The following MEMO1 variants were observed in gnomAD, a reference collection of about 807,000 sequenced individuals.
MEMO1 encodes protein MEMO1.
MEMO1 carries 6 observed loss-of-function variants against 45.2 expected under a neutral mutation model. That is an observed-to-expected ratio of 0.13 (90% CI 0.07 to 0.26). The LOEUF (loss-of-function observed/expected upper bound fraction) is 0.26, where lower values mean the gene tolerates loss of function less well. Ranked by LOEUF, MEMO1 falls within the 10% of genes least tolerant of loss-of-function variation. The probability of loss-of-function intolerance (pLI) is 1.00; values close to 1 mark genes in which losing one functional copy is unlikely to be tolerated. For synonymous variants in MEMO1, 78 were observed against 124.3 expected, an observed-to-expected ratio of 0.63 and a Z score of 2.48; for missense variants, 184 against 370.5, an observed-to-expected ratio of 0.50 and a Z score of 4.13.
intron 2 of MEMO1, among the ~76,000 whole-genome samples, chr2:31,996,229 A>G (rs1356401540): frequency 1.3e-5 from 2 of 151,498 alleles, no homozygotes; most frequent in East Asian, 3.9e-4. Flanking sequence ...AAAGAGAGAG[A>G]GAGAGAAAGA....
At chr2:31,871,684 G>C (rs184283225) in intron 8 of MEMO1, among the ~76,000 whole-genome samples, 33 of 152,106 alleles carry the variant, frequency 2.2e-4, no homozygotes, top group African/African-American at 7.7e-4. Context: ...ACCGACACTT[G>C]GTATATAAGC....
At chr2:31,869,754 C>A in intron 9 of MEMO1, 94 bp downstream of exon 9, 1 of 1,352,676 alleles carries the variant, frequency 7.4e-7, no homozygotes, top group Non-Finnish European at 9.9e-7. Context: ...ACCATAGGTA[C>A]ATAAAACCAA....
chr2:31,938,873 A>G (rs559370163), intron 3 of MEMO1, among the ~76,000 whole-genome samples: 1 of 150,448 alleles, frequency 6.6e-6, no homozygotes, highest in African/African-American at 2.4e-5. Flanking sequence ...TGCAGCCCCA[A>G]CCTCCCGGGC....
At chr2:31,946,123 T>C (rs1558524096) in intron 2 of MEMO1, among the ~76,000 whole-genome samples, 1 of 152,222 alleles carries the variant, frequency 6.6e-6, no homozygotes, top group Admixed American at 6.5e-5. Context: ...TGGTTTTAAT[T>C]GCATTTCATC....
At chr2:31,999,861 G>A (rs1490682781) in intron 2 of MEMO1, among the ~76,000 whole-genome samples, 1 of 148,250 alleles carries the variant, frequency 6.7e-6, no homozygotes, top group African/African-American at 2.5e-5. Context: ...TACAAGGCTT[G>A]TTCTTTCACC....
Position 31,868,065 on chromosome 2 carries a change from C to T in MEMO1, c.*296G>A, listed in dbSNP as rs1453755413. The stretch of plus-strand genomic sequence containing the variant: ...GTGCAAATTTAGGATATGGTAAATG[C>T]TTTACAAGTTACTTTCAAAAAACTG... On this transcript the variant is annotated 3_prime_UTR_variant, in exon 10 of 10. Transcript: ENST00000404530. 1.4e-5 allele frequency: 3 copies of T among 214,814 alleles called. No homozygotes were observed. Among genetic ancestry groups the T allele is most frequent in the Non-Finnish European group, 2.7e-5 (3 of 110,264 alleles). The allele number at this position is 214,814 out of a possible 1,614,324, so 13.3% of individuals were successfully genotyped here. A position where few individuals can be genotyped will look rare whatever the true frequency, so the allele number is the denominator to read the frequency against.
intron 5 of MEMO1, among the ~76,000 whole-genome samples, chr2:31,919,470 T>C (rs141145618): frequency 1.3e-5 from 2 of 152,124 alleles, no homozygotes; most frequent in Non-Finnish European, 2.9e-5. Flanking sequence ...TTTTATTCTA[T>C]ACAAGAAATT....
intron 4 of MEMO1, among the ~76,000 whole-genome samples, chr2:31,931,817 A>C (rs1295691793): frequency 2.0e-5 from 3 of 152,172 alleles, no homozygotes; most frequent in Non-Finnish European, 4.4e-5. Context: ...CAAAAAACAA[A>C]ATATTTAACC....
chr2:31,961,032 TA>T lies in MEMO1; in HGVS notation c.62-17650del, dbSNP rs373870603. Among the ~76,000 whole-genome samples, 768 of 152,354 alleles carry T rather than the reference TA, an allele frequency of 5.0e-3. 4 individuals carry two copies. The highest frequency in any genetic ancestry group is 0.017 in the African/African-American group (706 of 41,572). On this transcript the variant is annotated intron_variant, in intron 2 of 9. Coordinates refer to ENST00000404530, the MANE Select transcript of MEMO1 (RefSeq NM_001301833.4). Reference sequence around the variant, plus strand: ...GTAAGCAAAGCATATTATTTTCAGCTAATTTAGATATACTTGATGTTAAATT... The same window carrying T: ...GTAAGCAAAGCATATTATTTTCAGCTATTTAGATATACTTGATGTTAAATT...
At chr2:31,923,851 G>C (rs753267349) in intron 4 of MEMO1, 8 of 1,226,314 alleles carry the variant, frequency 6.5e-6, no homozygotes, top group Non-Finnish European at 7.6e-6. Context: ...AAGATACACT[G>C]CTCCAGAAAT....
chr2:31,917,315 A>T (rs186717894), intron 6 of MEMO1, among the ~76,000 whole-genome samples: 7 of 152,290 alleles, frequency 4.6e-5, no homozygotes, highest in Non-Finnish European at 8.8e-5. Context: ...CCTTGAAATA[A>T]TTTTTTTATT....
At chr2:31,886,512 A>T (rs1293803069) in intron 7 of MEMO1, among the ~76,000 whole-genome samples, 1 of 152,292 alleles carries the variant, frequency 6.6e-6, no homozygotes, top group East Asian at 1.9e-4. Flanking sequence ...GTGTCTCAAA[A>T]TTTTATTTAA....
At chr2:31,908,858 C>T (rs1457487129) in intron 6 of MEMO1, among the ~76,000 whole-genome samples, 1 of 152,224 alleles carries the variant, frequency 6.6e-6, no homozygotes, top group East Asian at 1.9e-4. Flanking sequence ...ATCCAGCCCC[C>T]TCCAGCCTTC....
intron 6 of MEMO1, among the ~76,000 whole-genome samples, chr2:31,902,305 C>T (rs972853371): frequency 4.0e-5 from 6 of 151,306 alleles, no homozygotes; most frequent in Admixed American, 6.6e-5. Context: ...GGCTGAGGCA[C>T]GAGAATCATT....
intron 4 of MEMO1, among the ~76,000 whole-genome samples, chr2:31,927,507 C>T (rs887341571): frequency 5.9e-5 from 9 of 151,886 alleles, no homozygotes; most frequent in African/African-American, 2.2e-4. Context: ...TCTTCATATA[C>T]GTCAACTAAA....
chr2:31,981,491 T>C (rs996639399), intron 2 of MEMO1, among the ~76,000 whole-genome samples: 2 of 152,262 alleles, frequency 1.3e-5, no homozygotes, highest in African/African-American at 4.8e-5. Flanking sequence ...CAAACAAATG[T>C]TCTTCCTTGC....
chr2:31,922,979 G>C (rs1682542484), intron 4 of MEMO1, among the ~76,000 whole-genome samples: 1 of 151,930 alleles, frequency 6.6e-6, no homozygotes, highest in Non-Finnish European at 1.5e-5. Flanking sequence ...CATTCCTTCA[G>C]GTACATACCC....
intron 2 of MEMO1, chr2:31,963,349 T>C (rs1416954030): frequency 4.7e-6 from 6 of 1,263,744 alleles, no homozygotes; most frequent in Middle Eastern, 3.0e-4. Flanking sequence ...TAGACACACA[T>C]ACCCTACTGG....
intron 5 of MEMO1, among the ~76,000 whole-genome samples, chr2:31,920,171 C>A (rs939783834): frequency 2.6e-5 from 4 of 151,578 alleles, no homozygotes; most frequent in Non-Finnish European, 2.9e-5. Flanking sequence ...ACTCCCCCCC[C>A]CAAAAGAAAA....
Sources: allele counts gnomAD v4.1 joint callset (sites outside exome capture counted in the v4.1 genomes callset), GRCh38; gene constraint gnomAD v4.1.1; transcripts MANE v1.5; gene names NCBI Gene and HGNC (gene_info 2026-07-23, HGNC 2026-07-21).